The following CNTNAP2 variants were observed in gnomAD, a reference collection of about 807,000 sequenced individuals.
CNTNAP2 encodes the protein contactin-associated protein-like 2.
In CNTNAP2, 98 loss-of-function variants were observed where a neutral mutation model predicts 155.2. The observed-to-expected ratio is 0.63, with a 90% confidence interval of 0.54 to 0.75. The LOEUF (loss-of-function observed/expected upper bound fraction) is 0.75, where lower values mean the gene tolerates loss of function less well. Among genes scored for constraint, CNTNAP2 ranks in the 30% least tolerant of loss-of-function variants. CNTNAP2 has a pLI of 0.00. For synonymous variants in CNTNAP2, 651 were observed against 631.2 expected (o/e 1.03, Z -0.47); for missense variants, 1,727 against 1,688.1 (o/e 1.02, Z -0.40).
At chr7:146,939,942 T>A (rs1797013008) in intron 3 of CNTNAP2, among the ~76,000 whole-genome samples, 1 of 152,184 alleles carries the variant, frequency 6.6e-6, no homozygotes, top group African/African-American at 2.4e-5. Flanking sequence ...TAGTGTCGGC[T>A]TGCCAAAGTC....
At chr7:147,607,587 A>T (rs912252207) in intron 12 of CNTNAP2, among the ~76,000 whole-genome samples, 12 of 152,292 alleles carry the variant, frequency 7.9e-5, no homozygotes, top group Admixed American at 7.9e-4. Flanking sequence ...AATTGCTTGG[A>T]TGTGTTTAAT....
At chr7:146,309,966 A>G (rs1290800938) in intron 1 of CNTNAP2, among the ~76,000 whole-genome samples, 1 of 152,234 alleles carries the variant, frequency 6.6e-6, no homozygotes, top group East Asian at 1.9e-4. Context: ...CTTTGCTGCT[A>G]TCAAAATGCA....
intron 8 of CNTNAP2, among the ~76,000 whole-genome samples, chr7:147,225,798 G>C (rs866321678): frequency 4.2e-5 from 3 of 71,208 alleles, no homozygotes; most frequent in African/African-American, 1.7e-4. Context: ...AAGGAAGGAA[G>C]GAAAGAAAGA....
chr7:146,432,921 C>T (rs939107492), intron 1 of CNTNAP2, among the ~76,000 whole-genome samples: 7 of 152,124 alleles, frequency 4.6e-5, no homozygotes, highest in African/African-American at 7.2e-5. Flanking sequence ...TATCACTCCA[C>T]GGCCTAGGCC....
chr7:146,589,235 TA>T (rs1409065287), intron 1 of CNTNAP2, among the ~76,000 whole-genome samples: 1 of 151,986 alleles, frequency 6.6e-6, no homozygotes, highest in African/African-American at 2.4e-5. Context: ...AGGCTTACTA[TA>T]AAAAACAAGG....
chr7:147,931,948 C>T (rs554381552), intron 14 of CNTNAP2, among the ~76,000 whole-genome samples: 4 of 151,894 alleles, frequency 2.6e-5, no homozygotes, highest in Non-Finnish European at 4.4e-5. Context: ...TGCAGTGGTG[C>T]GATCTCAGCT....
chr7:146,225,697 C>A (rs1488401215), intron 1 of CNTNAP2, among the ~76,000 whole-genome samples: 2 of 152,192 alleles, frequency 1.3e-5, no homozygotes, highest in African/African-American at 4.8e-5. Context: ...TGTTATTGTA[C>A]TAACCTATCC....
intron 1 of CNTNAP2, among the ~76,000 whole-genome samples, chr7:146,447,652 G>T (rs948722944): frequency 6.6e-6 from 1 of 151,872 alleles, no homozygotes; most frequent in African/African-American, 2.4e-5. Flanking sequence ...ATTAACACCT[G>T]TGCTATAAAT....
intron 21 of CNTNAP2, among the ~76,000 whole-genome samples, chr7:148,288,744 T>C (rs1797135130): frequency 6.6e-6 from 1 of 152,116 alleles, no homozygotes; most frequent in South Asian, 2.1e-4. Context: ...AGCCAGTTAA[T>C]TTAAGGTATC....
At chr7:146,525,187 T>C (rs578026771) in intron 1 of CNTNAP2, among the ~76,000 whole-genome samples, 1 of 152,132 alleles carries the variant, frequency 6.6e-6, no homozygotes, top group Non-Finnish European at 1.5e-5. Flanking sequence ...GCCCTGGTAA[T>C]CCTCGGCTAT....
chr7:147,500,630 C>T (rs906354749), intron 11 of CNTNAP2, among the ~76,000 whole-genome samples: 2 of 152,146 alleles, frequency 1.3e-5, no homozygotes, highest in Admixed American at 6.5e-5. Context: ...CAAACACACA[C>T]ACATACCCCC....
At position 146,296,199 on chromosome 7, in the gene CNTNAP2, C is replaced by A. The variant is rs569160798; in HGVS notation, c.97+179226C>A. Among the ~76,000 whole-genome samples, 33 of 152,228 alleles carry A rather than the reference C, an allele frequency of 2.2e-4. No homozygotes were observed. In the South Asian group the frequency reaches 6.0e-3, roughly 28 times the overall value. Reference sequence around the variant, plus strand: ...TTCCAGCAGAACAGCGGACCCCAGCCAGTTTGAAGACACTCACAGAGGAAC... The same window carrying A: ...TTCCAGCAGAACAGCGGACCCCAGCAAGTTTGAAGACACTCACAGAGGAAC... On this transcript the variant is annotated intron_variant, in intron 1 of 23. Coordinates refer to ENST00000361727, the MANE Select transcript of CNTNAP2 (RefSeq NM_014141.6).
chr7:147,141,312 T>C (rs1194874799), intron 8 of CNTNAP2, among the ~76,000 whole-genome samples: 1 of 152,178 alleles, frequency 6.6e-6, no homozygotes, highest in Non-Finnish European at 1.5e-5. Context: ...GAAAAACTAA[T>C]CAAGGGCATC....
chr7:146,126,358 G>A (rs917506990), intron 1 of CNTNAP2, among the ~76,000 whole-genome samples: 2 of 151,968 alleles, frequency 1.3e-5, no homozygotes, highest in Admixed American at 6.6e-5. Context: ...AAATTACATT[G>A]GTAAAAAATA....
chr7:146,952,460 T>C (rs1797337538), intron 3 of CNTNAP2, among the ~76,000 whole-genome samples: 1 of 152,064 alleles, frequency 6.6e-6, no homozygotes, highest in Admixed American at 6.6e-5. Flanking sequence ...ATAAAATGTA[T>C]TCAAAAAGGA....
At chr7:146,652,025 C>A (rs1037252196) in intron 1 of CNTNAP2, among the ~76,000 whole-genome samples, 4 of 151,918 alleles carry the variant, frequency 2.6e-5, no homozygotes, top group Admixed American at 6.6e-5. Flanking sequence ...AAGAAGGATA[C>A]TTTAAAGGTG....
At chr7:146,667,992 G>A (rs541492706) in intron 1 of CNTNAP2, among the ~76,000 whole-genome samples, 36 of 152,106 alleles carry the variant, frequency 2.4e-4, no homozygotes, top group African/African-American at 8.4e-4. Flanking sequence ...CTCTGGCTGG[G>A]ACTTCTAGTT....
chr7:148,192,056 G>T (rs1795208114), intron 18 of CNTNAP2, among the ~76,000 whole-genome samples: 1 of 152,166 alleles, frequency 6.6e-6, no homozygotes, highest in South Asian at 2.1e-4. Flanking sequence ...CTGAGGAGTG[G>T]GAAGTGGGGA....
In CNTNAP2 at chr7:148,358,872, A is replaced by C. The variant is rs544303053; in HGVS notation, c.3476-24777A>C. ...AATTGCTCAGCCTAGGGCCCTGCATAAAATGTGCACTTAAGACATCAGTTA... is the reference window on the plus strand; with the variant it reads ...AATTGCTCAGCCTAGGGCCCTGCATCAAATGTGCACTTAAGACATCAGTTA... On this transcript the variant is annotated intron_variant, in intron 21 of 23. Transcript: ENST00000361727. 1.3e-3 allele frequency among the ~76,000 whole-genome samples: 191 copies of C among 152,348 alleles called. 1 individual carries two copies. Among genetic ancestry groups the C allele is most frequent in the Admixed American group, 2.7e-3 (41 of 15,294 alleles).
Sources: gnomAD v4.1 joint callset for allele counts (sites outside exome capture counted in the v4.1 genomes callset) on GRCh38, gnomAD v4.1.1 for gene constraint, MANE v1.5 for transcripts, NCBI Gene and HGNC (gene_info 2026-07-23, HGNC 2026-07-21) for gene names.